Variants in GBF1 observed in about 807,000 individuals in gnomAD.
GBF1 encodes the protein Golgi-specific brefeldin A-resistance guanine nucleotide exchange factor 1.
Under a neutral mutation model 210.5 loss-of-function variants are expected in GBF1, and 114 were observed. The observed-to-expected ratio is 0.54, with a 90% CI of 0.47 to 0.63. The LOEUF (loss-of-function observed/expected upper bound fraction) is 0.63. Among genes scored for constraint, GBF1 ranks in the 30% least tolerant of loss-of-function variants. The probability of loss-of-function intolerance (pLI) is 0.00; values close to 1 mark genes in which losing one functional copy is unlikely to be tolerated. For missense variants in GBF1, 1,851 were observed against 2,357.7 expected (o/e 0.79, Z 4.45); for synonymous variants, 850 against 889.2 (o/e 0.96, Z 0.78).
At chr10:102,262,444 GTACTGTC>G (rs2073357488) in intron 3 of GBF1, among the ~76,000 whole-genome samples, 1 of 152,096 alleles carries the variant, frequency 6.6e-6, no homozygotes, top group South Asian at 2.1e-4. Flanking sequence ...TGAATTCAGA[GTACTGTC>G]TTCTTAAGAG....
chr10:102,335,289 T>C (rs112303385), intron 3 of GBF1, among the ~76,000 whole-genome samples: 1,860 of 152,240 alleles, frequency 0.012, 33 homozygotes, highest in African/African-American at 0.043. Flanking sequence ...TCAGAGCACC[T>C]CTCTACCTAA....
rs2060443817 is a variant in GBF1 at position 102,375,463 on chromosome 10, A to G, written c.3765A>G (p.Ala1255=). 1 of 1,613,578 alleles carries G rather than the reference A, an allele frequency of 6.2e-7. No homozygotes were observed. Among genetic ancestry groups the G allele is most frequent in the Non-Finnish European group, 8.5e-7 (1 of 1,179,586 alleles). Residue 1255 remains alanine (A), a synonymous_variant, in exon 30 of 40, where the codon GCA becomes GCG. Coordinates refer to ENST00000369983, the MANE Select transcript of GBF1 (RefSeq NM_001377137.1). Reference sequence around the variant, plus strand: ...TCCATGAACTCCTGAAGACCAATGCAGCCAACATCCACTCAGGTGATGACT... The same window carrying G: ...TCCATGAACTCCTGAAGACCAATGCGGCCAACATCCACTCAGGTGATGACT... ...YGLHELLKTN[A]ANIHSGDDWA...
chr10:102,327,870 G>A (rs1175205877), intron 3 of GBF1, among the ~76,000 whole-genome samples: 2 of 152,198 alleles, frequency 1.3e-5, no homozygotes, highest in African/African-American at 4.8e-5. Context: ...GGTGTTGGCT[G>A]GGCCCAGCTT....
In GBF1 at chr10:102,368,333, A is replaced by G; in HGVS notation, c.2758A>G (p.Thr920Ala). 1.2e-6 allele frequency: 2 copies of G among 1,613,470 alleles called. No homozygotes were observed. The highest frequency in any genetic ancestry group is 8.5e-7 in the Non-Finnish European group (1 of 1,179,382). ...TPEGIFLRVP[T>A]ASYDLDLFTM... ...TGAGGGCATATTCCTGCGTGTGCCT[A>G]CTGCCAGCTATGATCTTGACCTCTT... The change falls in exon 22 of 40, where the codon ACT becomes GCT. Residue 920 changes from threonine to alanine, a missense_variant. Thr to Ala is a moderately conservative substitution (Grantham distance 58, BLOSUM62 0). This residue lies in a region of GBF1 where 967 missense variants were observed against 1,247.7 expected (regional missense o/e 0.78). Coordinates refer to ENST00000369983, the MANE Select transcript of GBF1 (RefSeq NM_001377137.1).
In GBF1 at chr10:102,369,706, T is replaced by G. The variant is rs1163161993; in HGVS notation, c.3151-5T>G. 1 of 1,613,632 alleles carries G rather than the reference T, an allele frequency of 6.2e-7. No individual in the cohort carries two copies. The highest frequency in any genetic ancestry group is 1.3e-5 in the African/African-American group (1 of 75,046). On this transcript the variant is annotated splice_polypyrimidine_tract_variant and splice_region_variant and intron_variant, in intron 24 of 39. Transcript: ENST00000369983. Reference sequence around the variant, plus strand: ...GAAAGAAATTATTTTGACTTACTTTTCCAGGTAGAAGATTTCGTGGATCCC... The same window carrying G: ...GAAAGAAATTATTTTGACTTACTTTGCCAGGTAGAAGATTTCGTGGATCCC...
intron 20 of GBF1, 53 bp from the exon 21 acceptor site, chr10:102,367,425 G>C: frequency 7.9e-7 from 1 of 1,258,674 alleles, no homozygotes. Context: ...GAGTTCCTTA[G>C]GTGGGGCTTC....
intron 7 of GBF1, among the ~76,000 whole-genome samples, chr10:102,353,213 A>T (rs536513456): frequency 1.3e-3 from 200 of 152,270 alleles, no homozygotes; most frequent in African/African-American, 4.7e-3. Context: ...ACTGGTTTCA[A>T]AACTTCAACC....
At chr10:102,241,155 C>T (rs2070525725), upstream of GBF1, among the ~76,000 whole-genome samples, 1 of 152,186 alleles carries the variant, frequency 6.6e-6, no homozygotes, top group African/African-American at 2.4e-5. The surrounding 1 kb of genome is among the most constrained non-coding windows in gnomAD (Gnocchi z 6.7). Context: ...CTGGTTCTTA[C>T]CCTGAGTTTC....
rs141975394 is a variant in GBF1, at chr10:102,369,775, G to A, written c.3215G>A (p.Arg1072Gln). ...SLQREETPSN[R>Q]GESTVLSFVS... ...CAGCGGGAAGAGACACCATCAAACC[G>A]GTAAGAGCAGACCAGAGGCTCAGGG... Residue 1072 changes from arginine to glutamine, a missense_variant and splice_region_variant, in exon 25 of 40, where the codon CGA becomes CAA. Arg to Gln is a conservative substitution (Grantham distance 43). This residue lies in a region of GBF1 where 967 missense variants were observed against 1,247.7 expected (regional missense o/e 0.78). Transcript: ENST00000369983. 49 of 1,613,982 alleles carry A rather than the reference G, an allele frequency of 3.0e-5. No homozygotes were observed. In the African/African-American group the frequency reaches 3.5e-4, roughly 11 times the overall value.
intron 3 of GBF1, among the ~76,000 whole-genome samples, chr10:102,303,004 TGGA>T (rs2077521651): frequency 6.6e-6 from 1 of 150,438 alleles, no homozygotes. Context: ...TTTTTTTTTT[TGGA>T]GACAGAGTCT....
At chr10:102,246,223 A>G (rs2070812330) in intron 1 of GBF1, among the ~76,000 whole-genome samples, 1 of 152,174 alleles carries the variant, frequency 6.6e-6, no homozygotes. Context: ...TTGCCTCACT[A>G]ATACAAAGGA....
At chr10:102,288,600 A>G (rs925587430) in intron 3 of GBF1, among the ~76,000 whole-genome samples, 1 of 151,620 alleles carries the variant, frequency 6.6e-6, no homozygotes, top group African/African-American at 2.4e-5. Context: ...AGTCCCAGCT[A>G]CTCGAGAGGC....
chr10:102,343,946 C>A, intron 3 of GBF1, 105 bp from the exon 4 acceptor site: 1 of 797,174 alleles, frequency 1.3e-6, no homozygotes, highest in Non-Finnish European at 2.1e-6. Context: ...AGAAGATTGA[C>A]CCAACAACAA....
Position 102,362,632 on chromosome 10 carries a change from A to G in GBF1, c.1844A>G (p.Glu615Gly). The change falls in exon 15 of 40, where the codon GAG (glutamate) becomes GGG (glycine). Residue 615 changes from glutamate to glycine, a missense_variant. Physicochemically the swap from Glu to Gly is moderately conservative, Grantham distance 98. Transcript: ENST00000369983. ...EKKETARPSC[E>G]IVDGTREASN... ...AAGGAGACAGCCAGACCAAGCTGTG[A>G]GATAGTAGATGGCACCCGAGAAGCT... 4 of 1,614,150 alleles carry G rather than the reference A, an allele frequency of 2.5e-6. No individual in the cohort carries two copies. The highest frequency in any genetic ancestry group is 3.4e-6 in the Non-Finnish European group (4 of 1,179,992).
Position 102,344,190 on chromosome 10 carries a change from C to T in GBF1, c.295+8C>T, listed in dbSNP as rs372779139. On this transcript the variant is annotated splice_region_variant and intron_variant, in intron 4 of 39. Transcript: ENST00000369983. The stretch of plus-strand genomic sequence containing the variant: ...TGTCCTATGCACTCATAGGTAAGAG[C>T]TCAGGCTTTGTTGCATGACCACAGC... 6.2e-7 allele frequency: 1 copy of T among 1,613,776 alleles called. No individual in the cohort carries two copies. Among genetic ancestry groups the T allele is most frequent in the Non-Finnish European group, 8.5e-7 (1 of 1,179,722 alleles).
At chr10:102,326,584 T>C (rs1392688976) in intron 3 of GBF1, among the ~76,000 whole-genome samples, 1 of 152,208 alleles carries the variant, frequency 6.6e-6, no homozygotes, top group Admixed American at 6.5e-5. Flanking sequence ...GTTCAGTTGG[T>C]AAGTTTTGAT....
At chr10:102,356,005 G>A (rs1318849548) in intron 8 of GBF1, among the ~76,000 whole-genome samples, 1 of 152,210 alleles carries the variant, frequency 6.6e-6, no homozygotes, top group Admixed American at 6.5e-5. Context: ...CTAAGCATAT[G>A]ACTGCAGGCA....
chr10:102,341,300 T>A (rs1295771512), intron 3 of GBF1, among the ~76,000 whole-genome samples: 1 of 152,176 alleles, frequency 6.6e-6, no homozygotes, highest in African/African-American at 2.4e-5. Flanking sequence ...AACACTGAAA[T>A]ACAAAGTACT....
intron 3 of GBF1, among the ~76,000 whole-genome samples, chr10:102,302,137 C>T (rs964916193): frequency 1.2e-4 from 18 of 152,200 alleles, no homozygotes; most frequent in East Asian, 1.9e-4. Flanking sequence ...TGGCGGCGCG[C>T]GCCTGCAATC....
Sources: allele counts gnomAD v4.1 joint callset (sites outside exome capture counted in the v4.1 genomes callset), GRCh38; gene constraint gnomAD v4.1.1; regional missense constraint gnomAD v4.1.1; non-coding constraint Gnocchi (gnomAD v3.1); transcripts MANE v1.5; gene names NCBI Gene and HGNC (gene_info 2026-07-23, HGNC 2026-07-21).